Variants in ARID1B observed in about 807,000 individuals in gnomAD.
The protein encoded by ARID1B is AT-rich interaction domain 1B, also known as AT-rich interactive domain-containing protein 1B.
A neutral mutation model predicts 212.3 loss-of-function variants in ARID1B; 30 were observed. The ratio of observed to expected loss-of-function variants is 0.14; its 90% CI spans 0.11 to 0.19. The LOEUF is 0.19. Ranked by LOEUF, ARID1B falls within the 10% of genes least tolerant of loss-of-function variation. ARID1B has a pLI of 1.00. For missense variants in ARID1B, 2,891 were observed against 3,204.0 expected (o/e 0.90, Z 2.36); for synonymous variants, 1,402 against 1,301.7 (o/e 1.08, Z -1.66).
chr6:156,868,885 T>C (rs1178017625), intron 2 of ARID1B, among the ~76,000 whole-genome samples: 1 of 151,844 alleles, frequency 6.6e-6, no homozygotes, highest in African/African-American at 2.4e-5. Context: ...CGGTACTTTG[T>C]TTTGCTAATG....
chr6:156,885,814 G>A (rs1478789516), intron 2 of ARID1B, among the ~76,000 whole-genome samples: 1 of 152,168 alleles, frequency 6.6e-6, no homozygotes, highest in Non-Finnish European at 1.5e-5. Flanking sequence ...AAGATTATGT[G>A]CTAAACGACT....
chr6:157,025,167 T>C (rs965760796), intron 4 of ARID1B, among the ~76,000 whole-genome samples: 11 of 152,240 alleles, frequency 7.2e-5, no homozygotes, highest in Admixed American at 6.5e-4. Flanking sequence ...TCCCAAATTA[T>C]GCAGAAATGT....
At chr6:156,932,145 AG>A (rs61152353) in intron 3 of ARID1B, among the ~76,000 whole-genome samples, 152 of 61,382 alleles carry the variant, frequency 2.5e-3, no homozygotes, top group South Asian at 4.0e-3. Context: ...AAAAAAAAAA[AG>A]GGGGGGGGCG....
intron 3 of ARID1B, among the ~76,000 whole-genome samples, chr6:156,903,136 A>T (rs1219220532): frequency 2.0e-5 from 3 of 152,200 alleles, no homozygotes; most frequent in Non-Finnish European, 4.4e-5. Flanking sequence ...TTCCTTTAAA[A>T]ATTATTCACT....
chr6:156,807,235 A>G (rs529429440), intron 1 of ARID1B, among the ~76,000 whole-genome samples: 50 of 151,162 alleles, frequency 3.3e-4, no homozygotes, highest in African/African-American at 1.2e-3. Context: ...GTTCAGATCT[A>G]TGGAGTGGAA....
chr6:157,023,600 T>C (rs1463710379), intron 4 of ARID1B: 4 of 152,264 alleles, frequency 2.6e-5, no homozygotes, highest in Non-Finnish European at 5.9e-5. Flanking sequence ...GGTCTGACGT[T>C]GTAGGTACAT....
Position 156,966,554 on chromosome 6 carries a change from C to T in ARID1B, c.2247+30978C>T, listed in dbSNP as rs566507997. ...TATTACAGGCACCTGCTACCACGTC[C>T]GGCTAATTTTCTGTATTTTTAATAG... is the stretch of plus-strand genomic sequence containing the variant. On this transcript the variant is annotated intron_variant, in intron 4 of 19. Coordinates refer to ENST00000636930, the MANE Select transcript of ARID1B (RefSeq NM_001374828.1). Among the ~76,000 whole-genome samples, 60 of 151,158 alleles carry T rather than the reference C, an allele frequency of 4.0e-4. 1 individual carries two copies. In the South Asian group the frequency reaches 9.8e-3, roughly 25 times the overall value.
Position 157,200,864 on chromosome 6 carries a change from C to A in ARID1B, c.4639C>A (p.Pro1547Thr), listed in dbSNP as rs775556116. 1 of 1,614,034 alleles carries A rather than the reference C, an allele frequency of 6.2e-7. No individual in the cohort carries two copies. The highest frequency in any genetic ancestry group is 8.5e-7 in the Non-Finnish European group (1 of 1,180,020). ...PDRRPIQGQY[P>T]YPYSRERMQG... ...CCGCAGGCCCATCCAGGGCCAGTAC[C>A]CGTATCCCTACAGCAGGGAGAGGAT... Residue 1547 changes from proline (P) to threonine (T), a missense_variant, in exon 18 of 20, where the codon CCG becomes ACG. Physicochemically the swap from Pro to Thr is conservative, Grantham distance 38 (BLOSUM62 -1). Transcript: ENST00000636930. The surrounding 1 kb of genome is among the most constrained non-coding windows in gnomAD (Gnocchi z 4.3).
intron 5 of ARID1B, among the ~76,000 whole-genome samples, chr6:157,107,234 G>A (rs906434094): frequency 6.6e-6 from 1 of 152,160 alleles, no homozygotes; most frequent in East Asian, 1.9e-4. Context: ...CTACCAGCTG[G>A]AGGAGGCTAA....
chr6:156,794,582 T>G (rs1378861891), intron 1 of ARID1B, among the ~76,000 whole-genome samples: 7 of 145,918 alleles, frequency 4.8e-5, no homozygotes, highest in South Asian at 4.4e-4. Context: ...TTTTTTTTTT[T>G]TTTTTTTTTT....
chr6:157,166,909 C>A, intron 8 of ARID1B, 131 bp from the exon 9 acceptor site: 1 of 1,260,952 alleles, frequency 7.9e-7, no homozygotes, highest in Non-Finnish European at 1.1e-6. Flanking sequence ...AGGAAATAAT[C>A]TGTTTTACAC....
intron 8 of ARID1B, among the ~76,000 whole-genome samples, chr6:157,154,836 C>G (rs1790473493): frequency 6.6e-6 from 1 of 152,132 alleles, no homozygotes; most frequent in South Asian, 2.1e-4. Flanking sequence ...CCGCCTCGGC[C>G]TCCCAAAGTG....
chr6:157,146,550 A>G (rs1045853144), intron 7 of ARID1B, among the ~76,000 whole-genome samples: 8 of 152,148 alleles, frequency 5.3e-5, no homozygotes, highest in Admixed American at 5.2e-4. Flanking sequence ...TGCACTTTTC[A>G]CATTGCATGC....
chr6:157,056,263 T>A (rs904635057), intron 4 of ARID1B, among the ~76,000 whole-genome samples: 1 of 152,200 alleles, frequency 6.6e-6, no homozygotes, highest in Non-Finnish European at 1.5e-5. Context: ...CCTCAGATTT[T>A]AGAGATACAA....
intron 4 of ARID1B, among the ~76,000 whole-genome samples, chr6:156,956,405 G>A (rs1793984085): frequency 6.6e-6 from 1 of 152,092 alleles, no homozygotes; most frequent in African/African-American, 2.4e-5. Context: ...TTTATAGACT[G>A]GAAAAAAATT....
Position 156,778,268 on chromosome 6 carries a change from C to CCAGCAGCAGCAGCAGCAGCAGCAG in ARID1B, c.611_612insGCAGCAGCAGCAGCAGCAGCAGCA (p.Gln207_Gln214dup), listed in dbSNP as rs587779743. The stretch of plus-strand genomic sequence containing the variant: ...CACTACAGCAGCAGCTAAACCAGTT[C>CCAGCAGCAGCAGCAGCAGCAGCAG]CAGCAGCAGCAGCAGCAGCAGCAAC... On this transcript the variant is annotated inframe_insertion, in exon 1 of 20. Transcript: ENST00000636930. 7 of 1,521,810 alleles carry CCAGCAGCAGCAGCAGCAGCAGCAG rather than the reference C, an allele frequency of 4.6e-6. No homozygotes were observed. The African/African-American group carries it at 9.7e-5, about 21-fold the overall frequency. The allele number at this position is 1,521,810 out of a possible 1,614,324, so 94.3% of individuals were successfully genotyped here.
At chr6:157,003,411 G>A (rs1779020374) in intron 4 of ARID1B, among the ~76,000 whole-genome samples, 1 of 152,174 alleles carries the variant, frequency 6.6e-6, no homozygotes. Context: ...TCTGCCAGAG[G>A]AGAAATTATA....
intron 4 of ARID1B, among the ~76,000 whole-genome samples, chr6:157,006,952 T>C (rs1368540878): frequency 6.6e-6 from 1 of 151,630 alleles, no homozygotes; most frequent in Non-Finnish European, 1.5e-5. Context: ...CACATGTGTG[T>C]ACACACACAC....
chr6:156,947,437 T>G (rs1262942477), intron 4 of ARID1B, among the ~76,000 whole-genome samples: 2 of 152,164 alleles, frequency 1.3e-5, no homozygotes, highest in African/African-American at 4.8e-5. Flanking sequence ...GTTTTTTTCT[T>G]TTTTGCAGAT....
Sources: gnomAD v4.1 joint callset for allele counts (sites outside exome capture counted in the v4.1 genomes callset) on GRCh38, gnomAD v4.1.1 for gene constraint, Gnocchi (gnomAD v3.1) non-coding constraint, MANE v1.5 for transcripts, NCBI Gene and HGNC (gene_info 2026-07-23, HGNC 2026-07-21) for gene names.